Variants in PIWIL1 observed in about 807,000 individuals in gnomAD.
PIWIL1 encodes the protein piwi like RNA-mediated gene silencing 1, also known as piwi-like protein 1.
In PIWIL1, 73 loss-of-function variants were observed where a neutral mutation model predicts 114.4. That is an observed-to-expected ratio of 0.64 (90% CI 0.53 to 0.78). The LOEUF is 0.78. Among genes scored for constraint, PIWIL1 ranks in the 30% least tolerant of loss-of-function variants. The pLI is 0.00. For synonymous variants in PIWIL1, 375 were observed against 369.0 expected (o/e 1.02, Z -0.19); for missense variants, 723 against 1,063.1 (o/e 0.68, Z 4.45).
At chr12:130,414,483 A>G in the PIWIL1 span, 1 of 577,868 alleles carries the variant, frequency 1.7e-6, no homozygotes. Context: ...TGAATTGGAG[A>G]AGCACATAAC....
At chr12:130,419,455 C>T in the PIWIL1 span, 2 of 152,182 alleles carry the variant, frequency 1.3e-5, no homozygotes, top group Non-Finnish European at 2.9e-5. This position sits in a 1 kb window ranked among gnomAD's most constrained non-coding sequence, Gnocchi z 4.3. Context: ...TGGCCCAGAC[C>T]GACTGCCCTC....
At chr12:130,412,927 C>T in the PIWIL1 span, 1 of 795,998 alleles carries the variant, frequency 1.3e-6, no homozygotes, top group Admixed American at 3.0e-5. Context: ...CTGCATAGGT[C>T]ACCCACGTGT....
the PIWIL1 span, among the ~76,000 whole-genome samples, chr12:130,410,738 C>T: frequency 6.6e-6 from 1 of 152,264 alleles, no homozygotes; most frequent in East Asian, 1.9e-4. Context: ...TCTCCAATAC[C>T]ACGTTGTCTC....
intron 12 of PIWIL1, among the ~76,000 whole-genome samples, chr12:130,356,672 C>T (rs1484076813): frequency 6.6e-6 from 1 of 152,038 alleles, no homozygotes; most frequent in East Asian, 1.9e-4. Flanking sequence ...AGGGAAGTAC[C>T]TGGTCCAAGT....
chr12:130,377,923 C>G, the PIWIL1 span, among the ~76,000 whole-genome samples: 2 of 152,210 alleles, frequency 1.3e-5, no homozygotes, highest in Non-Finnish European at 2.9e-5. Context: ...GTACATGTAC[C>G]TTCTTTCTGG....
the PIWIL1 span, among the ~76,000 whole-genome samples, chr12:130,393,923 A>G: frequency 4.6e-5 from 7 of 152,166 alleles, no homozygotes; most frequent in African/African-American, 1.7e-4. Flanking sequence ...TTTGGAGCAG[A>G]AAAATTTTGC....
the PIWIL1 span, among the ~76,000 whole-genome samples, chr12:130,410,901 G>C: frequency 6.6e-6 from 1 of 152,130 alleles, no homozygotes; most frequent in Non-Finnish European, 1.5e-5. Context: ...ATAAATCCCA[G>C]CACAGATTTC....
At chr12:130,394,502 G>A in the PIWIL1 span, among the ~76,000 whole-genome samples, 1 of 152,166 alleles carries the variant, frequency 6.6e-6, no homozygotes, top group African/African-American at 2.4e-5. Context: ...GGCTTTCAAT[G>A]TAGTTTTCTT....
intron 3 of PIWIL1, among the ~76,000 whole-genome samples, chr12:130,344,607 G>C (rs548117599): frequency 8.5e-5 from 13 of 152,320 alleles, no homozygotes; most frequent in African/African-American, 3.1e-4. Flanking sequence ...AGAGTAGGCA[G>C]TTCTGGTGTT....
rs74603669 is a variant in PIWIL1, at chr12:130,357,255, C to G, written c.1592+150C>G. The G allele has an allele frequency of 5.0e-3, 3,673 of 734,426 alleles. 59 individuals carry two copies. Among genetic ancestry groups the G allele is most frequent in the African/African-American group, 0.034 (1,926 of 56,202 alleles). The allele number at this position is 734,426 out of a possible 1,614,324, so 45.5% of individuals were successfully genotyped here. A position where few individuals can be genotyped will look rare whatever the true frequency, so the allele number is the denominator to read the frequency against. ...GATAAACAGAAACATATTTTAATAA[C>G]TAAGAATGGGTGGGAGAAGCAACCA... is the stretch of plus-strand genomic sequence containing the variant. On this transcript the variant is annotated intron_variant, in intron 13 of 20. Transcript: ENST00000245255.
At chr12:130,424,469 G>A in the PIWIL1 span, 110 of 1,232,130 alleles carry the variant, frequency 8.9e-5, no homozygotes, top group South Asian at 7.4e-4. The surrounding 1 kb of genome is among the most constrained non-coding windows in gnomAD (Gnocchi z 9.8). Context: ...CGGTGTTTCC[G>A]AAGCCAAACC....
intron 18 of PIWIL1, 95 bp downstream of exon 18, chr12:130,363,239 C>T (rs2073563372): frequency 1.6e-6 from 2 of 1,280,982 alleles, no homozygotes; most frequent in Non-Finnish European, 2.2e-6. Flanking sequence ...GAGGGAGAAC[C>T]TAACTTGATA....
the PIWIL1 span, among the ~76,000 whole-genome samples, chr12:130,381,404 T>C: frequency 6.6e-6 from 1 of 152,212 alleles, no homozygotes; most frequent in Non-Finnish European, 1.5e-5. Flanking sequence ...CCAGATGTCA[T>C]ACATTCTGAA....
At chr12:130,424,594 C>G in the PIWIL1 span, 4 of 1,231,930 alleles carry the variant, frequency 3.2e-6, no homozygotes, top group East Asian at 1.3e-4. This position sits in a 1 kb window ranked among gnomAD's most constrained non-coding sequence, Gnocchi z 9.8. Context: ...TGGGGGACGG[C>G]CCCCGAGCCC....
chr12:130,406,125 G>C, the PIWIL1 span: 11 of 1,231,722 alleles, frequency 8.9e-6, no homozygotes, highest in Admixed American at 1.3e-4. Context: ...CAAAATAAAT[G>C]AAAATACAAA....
At chr12:130,346,643 A>G (rs2073076123) in intron 5 of PIWIL1, 59 bp downstream of exon 5, 1 of 1,371,418 alleles carries the variant, frequency 7.3e-7, no homozygotes. Flanking sequence ...ACCACAATGT[A>G]AGATAGCTCA....
At chr12:130,364,008 C>G (rs2073587987) in intron 18 of PIWIL1, among the ~76,000 whole-genome samples, 1 of 152,126 alleles carries the variant, frequency 6.6e-6, no homozygotes, top group Non-Finnish European at 1.5e-5. Flanking sequence ...TGGTTTTTGT[C>G]TTCCTCTGCT....
the PIWIL1 span, among the ~76,000 whole-genome samples, chr12:130,388,857 G>T: frequency 6.6e-6 from 1 of 152,048 alleles, no homozygotes; most frequent in Non-Finnish European, 1.5e-5. Flanking sequence ...GTAGGCAGTT[G>T]TATCCTCTGC....
intron 6 of PIWIL1, among the ~76,000 whole-genome samples, chr12:130,347,608 G>A (rs1352308464): frequency 4.6e-5 from 7 of 152,184 alleles, no homozygotes; most frequent in Admixed American, 1.3e-4. Flanking sequence ...TTAGTCATAA[G>A]ATAACTGTCA....
Sources: gnomAD v4.1 joint callset for allele counts (sites outside exome capture counted in the v4.1 genomes callset) on GRCh38, gnomAD v4.1.1 for gene constraint, Gnocchi (gnomAD v3.1) non-coding constraint, MANE v1.5 for transcripts, NCBI Gene and HGNC (gene_info 2026-07-23, HGNC 2026-07-21) for gene names.